The following COX6C variants were observed in gnomAD, a reference collection of about 807,000 sequenced individuals.
COX6C encodes the protein cytochrome c oxidase subunit 6C.
A neutral mutation model predicts 6.9 loss-of-function variants in COX6C; 3 were observed. That is an observed-to-expected ratio of 0.43 (90% CI 0.20 to 1.12). COX6C has a LOEUF of 1.12. Ranked by LOEUF, COX6C falls within the 50% of genes most tolerant of loss-of-function variation. The pLI is 0.27. For synonymous variants in COX6C, 32 were observed against 32.0 expected, an observed-to-expected ratio of 1.00 and a Z score of 0.00; for missense variants, 101 against 97.3, an observed-to-expected ratio of 1.04 and a Z score of -0.16.
At chr8:99,881,056 G>A (rs1228500632) in intron 3 of COX6C, among the ~76,000 whole-genome samples, 2 of 152,086 alleles carry the variant, frequency 1.3e-5, no homozygotes, top group South Asian at 2.1e-4. Flanking sequence ...GAACATAGAA[G>A]CTTATATTAA....
At chr8:99,886,000 A>G (rs1453541756) in intron 3 of COX6C, 1 of 152,248 alleles carries the variant, frequency 6.6e-6, no homozygotes, top group Admixed American at 6.5e-5. Flanking sequence ...CAATAAGTAC[A>G]TGAAAAGATG....
chr8:99,893,270 C>A, intron 1 of COX6C: 1 of 152,488 alleles, frequency 6.6e-6, no homozygotes, highest in Non-Finnish European at 1.5e-5. Flanking sequence ...ACCACCACCC[C>A]TTTTCTCACG....
At chr8:99,889,541 A>C (rs1342877523) in intron 2 of COX6C, among the ~76,000 whole-genome samples, 2 of 151,734 alleles carry the variant, frequency 1.3e-5, no homozygotes, top group African/African-American at 4.8e-5. Context: ...GCCCGACACC[A>C]CGCCCGGCTA....
Position 99,891,927 on chromosome 8 carries a change from C to T in COX6C, c.95G>A (p.Gly32Glu). 6.2e-7 allele frequency: 1 copy of T among 1,614,114 alleles called. No individual in the cohort carries two copies. The highest frequency in any genetic ancestry group is 2.2e-5 in the East Asian group (1 of 44,892). The stretch of plus-strand genomic sequence containing the variant: ...ACATACCTTATACAAAGCTGCAACC[C>T]CCAGGGATAGCACGAATGCTACAGC... ...HMAVAFVLSL[G>E]VAALYKFRVA... Residue 32 changes from glycine to glutamate, a missense_variant, in exon 2 of 4, where the codon GGG becomes GAG. By Grantham distance (98) the Gly-to-Glu change is moderately conservative. Transcript: ENST00000520468.
chr8:99,883,529 T>C (rs1817901000), intron 3 of COX6C, among the ~76,000 whole-genome samples: 3 of 151,542 alleles, frequency 2.0e-5, no homozygotes, highest in Admixed American at 2.0e-4. Context: ...CTCTAACTTC[T>C]GGATTATAGT....
intron 2 of COX6C, among the ~76,000 whole-genome samples, chr8:99,888,342 G>A (rs577191720): frequency 6.6e-6 from 1 of 152,196 alleles, no homozygotes; most frequent in African/African-American, 2.4e-5. Context: ...GGAGGCCAAG[G>A]GGGGCGAATC....
chr8:99,887,262 G>T, intron 3 of COX6C: 1 of 329,350 alleles, frequency 3.0e-6, no homozygotes, highest in East Asian at 6.0e-5. Context: ...CTGACTGGGG[G>T]ATGTGGTCAT....
intron 3 of COX6C, among the ~76,000 whole-genome samples, chr8:99,880,092 G>A (rs1312078488): frequency 1.3e-5 from 2 of 152,204 alleles, no homozygotes; most frequent in East Asian, 3.9e-4. Context: ...GGCATCCCCA[G>A]GAAAAGTTTG....
At chr8:99,889,919 G>A (rs929333574) in intron 2 of COX6C, among the ~76,000 whole-genome samples, 23 of 151,650 alleles carry the variant, frequency 1.5e-4, no homozygotes, top group Non-Finnish European at 2.9e-4. Flanking sequence ...GTGAAACCCC[G>A]TCTCTACTAA....
intron 3 of COX6C, among the ~76,000 whole-genome samples, chr8:99,883,285 G>A (rs1343679557): frequency 2.0e-5 from 3 of 151,920 alleles, no homozygotes; most frequent in African/African-American, 7.3e-5. Context: ...TGTGATCATA[G>A]CTTATGCAGC....
chr8:99,880,167 G>A (rs1817840528), intron 3 of COX6C, among the ~76,000 whole-genome samples: 1 of 152,208 alleles, frequency 6.6e-6, no homozygotes, highest in African/African-American at 2.4e-5. Flanking sequence ...GAGCCAGTCT[G>A]CAAAGGGACA....
chr8:99,883,433 A>ATGTGTGTG (rs1272786254), intron 3 of COX6C, among the ~76,000 whole-genome samples: 34 of 145,756 alleles, frequency 2.3e-4, no homozygotes, highest in African/African-American at 8.2e-4. Context: ...GTATATATGT[A>ATGTGTGTG]TGTGTGTGTG....
At chr8:99,888,967 C>A (rs1355677551) in intron 2 of COX6C, among the ~76,000 whole-genome samples, 1 of 152,214 alleles carries the variant, frequency 6.6e-6, no homozygotes, top group Non-Finnish European at 1.5e-5. Context: ...TAGCAGGACC[C>A]CCTCTTGCTT....
intron 2 of COX6C, among the ~76,000 whole-genome samples, chr8:99,891,663 G>T (rs974322498): frequency 1.3e-5 from 2 of 152,182 alleles, no homozygotes; most frequent in African/African-American, 4.8e-5. Flanking sequence ...CCTGCCAACA[G>T]ATTTCTAGCC....
At chr8:99,884,565 T>A (rs866951154) in intron 3 of COX6C, among the ~76,000 whole-genome samples, 1 of 152,152 alleles carries the variant, frequency 6.6e-6, no homozygotes, top group Non-Finnish European at 1.5e-5. Flanking sequence ...AGAAGGAAAC[T>A]GAAACATGTC....
chr8:99,889,473 C>A (rs1467220632), intron 2 of COX6C, among the ~76,000 whole-genome samples: 1 of 151,548 alleles, frequency 6.6e-6, no homozygotes, highest in Non-Finnish European at 1.5e-5. Context: ...GTAACCTCCC[C>A]TTCCTGGGTT....
chr8:99,892,396 T>C (rs1312766641), intron 1 of COX6C, among the ~76,000 whole-genome samples: 1 of 152,134 alleles, frequency 6.6e-6, no homozygotes, highest in African/African-American at 2.4e-5. Context: ...CGCTGTCCTT[T>C]ATATCACAAA....
chr8:99,883,471 A>ATTTTTT (rs71274942), intron 3 of COX6C, among the ~76,000 whole-genome samples: 27 of 137,732 alleles, frequency 2.0e-4, no homozygotes, highest in African/African-American at 7.4e-4. Context: ...ATATATATAT[A>ATTTTTT]TTTTTTTTTT....
chr8:99,888,349 A>C (rs1337102153), intron 2 of COX6C, among the ~76,000 whole-genome samples: 1 of 152,014 alleles, frequency 6.6e-6, no homozygotes, highest in South Asian at 2.1e-4. Flanking sequence ...AAGGGGGGCG[A>C]ATCACAAGGT....
Sources: gnomAD v4.1 joint callset for allele counts (sites outside exome capture counted in the v4.1 genomes callset) on GRCh38, gnomAD v4.1.1 for gene constraint, MANE v1.5 for transcripts, NCBI Gene and HGNC (gene_info 2026-07-23, HGNC 2026-07-21) for gene names.